Variants in DOCK3 observed in about 807,000 individuals in gnomAD.
DOCK3 encodes dedicator of cytokinesis 3.
DOCK3 carries 60 observed loss-of-function variants against 265.6 expected under a neutral mutation model. The ratio of observed to expected loss-of-function variants is 0.23; its 90% CI spans 0.18 to 0.28. The LOEUF (loss-of-function observed/expected upper bound fraction) is 0.28, where lower values mean the gene tolerates loss of function less well. DOCK3 is among the 10% of genes least tolerant of loss of function. The probability of loss-of-function intolerance (pLI) is 1.00; values close to 1 mark genes in which losing one functional copy is unlikely to be tolerated. For missense variants in DOCK3, 1,981 were observed against 2,594.3 expected (o/e 0.76, Z 5.14); for synonymous variants, 881 against 938.0 (o/e 0.94, Z 1.11).
intron 23 of DOCK3, among the ~76,000 whole-genome samples, chr3:51,263,732 C>G (rs1039574746): frequency 4.6e-5 from 7 of 152,056 alleles, no homozygotes; most frequent in African/African-American, 1.7e-4. Flanking sequence ...GACTATTTAC[C>G]AAGCAAATGG....
At chr3:51,342,337 C>T (rs1271071798) in intron 38 of DOCK3, among the ~76,000 whole-genome samples, 1 of 152,244 alleles carries the variant, frequency 6.6e-6, no homozygotes, top group Non-Finnish European at 1.5e-5. Context: ...AGCGCAGAAA[C>T]TCTTATGTAA....
intron 6 of DOCK3, among the ~76,000 whole-genome samples, chr3:51,068,401 G>A (rs893076315): frequency 5.9e-5 from 9 of 152,036 alleles, no homozygotes; most frequent in Admixed American, 1.3e-4. Context: ...TTAGCCGGGC[G>A]TGGTGGCGGG....
intron 27 of DOCK3, among the ~76,000 whole-genome samples, chr3:51,295,778 T>A (rs183587483): frequency 6.6e-6 from 1 of 151,662 alleles, no homozygotes; most frequent in Admixed American, 6.6e-5. Flanking sequence ...CAATAAGGCG[T>A]TGGGGGGTGG....
chr3:51,153,731 A>G (rs555578560), intron 10 of DOCK3, among the ~76,000 whole-genome samples: 1 of 152,354 alleles, frequency 6.6e-6, no homozygotes, highest in East Asian at 1.9e-4. Context: ...AACTTAGAAA[A>G]GGTTTGGAAA....
At chr3:51,146,769 A>G (rs200973054) in intron 10 of DOCK3, 139 bp downstream of exon 10, 9 of 701,648 alleles carry the variant, frequency 1.3e-5, no homozygotes, top group South Asian at 7.3e-5. Flanking sequence ...TTATGTTTCT[A>G]TTAGGTTTTA....
chr3:51,144,327 T>G (rs1333810795), intron 9 of DOCK3, among the ~76,000 whole-genome samples: 1 of 152,164 alleles, frequency 6.6e-6, no homozygotes, highest in Non-Finnish European at 1.5e-5. Flanking sequence ...ATTAAAACAG[T>G]TCTTGCCAGA....
At chr3:51,164,160 G>A (rs543068184) in intron 12 of DOCK3, among the ~76,000 whole-genome samples, 2 of 152,250 alleles carry the variant, frequency 1.3e-5, no homozygotes, top group South Asian at 4.1e-4. Flanking sequence ...TCAATTTGGT[G>A]ATCATACCCC....
chr3:51,268,930 T>C (rs1419027131), intron 23 of DOCK3, among the ~76,000 whole-genome samples: 1 of 152,086 alleles, frequency 6.6e-6, no homozygotes, highest in Non-Finnish European at 1.5e-5. Flanking sequence ...AGCAAAGCAA[T>C]GCAGATATGC....
chr3:51,159,758 G>A (rs1034670328), intron 11 of DOCK3, among the ~76,000 whole-genome samples: 1 of 152,090 alleles, frequency 6.6e-6, no homozygotes, highest in Non-Finnish European at 1.5e-5. Flanking sequence ...CACTCCAGAA[G>A]ATGGATGACA....
chr3:50,902,767 A>T (rs1274455098), intron 4 of DOCK3, among the ~76,000 whole-genome samples: 1 of 152,212 alleles, frequency 6.6e-6, no homozygotes, highest in Non-Finnish European at 1.5e-5. Flanking sequence ...TACTTTGGGC[A>T]GTATGGCCAT....
intron 5 of DOCK3, among the ~76,000 whole-genome samples, chr3:51,022,157 T>C (rs1204069462): frequency 6.6e-6 from 1 of 152,224 alleles, no homozygotes; most frequent in Non-Finnish European, 1.5e-5. Flanking sequence ...TGTAGTTTTT[T>C]ATTATAGGTA....
chr3:50,921,074 A>T (rs1334073490), intron 4 of DOCK3, among the ~76,000 whole-genome samples: 2 of 152,152 alleles, frequency 1.3e-5, no homozygotes, highest in Non-Finnish European at 2.9e-5. Flanking sequence ...TGAGTTTCTT[A>T]ATCTTGAGTT....
intron 39 of DOCK3, 63 bp downstream of exon 39, chr3:51,349,001 C>T (rs1446164211): frequency 2.2e-6 from 3 of 1,377,310 alleles, no homozygotes; most frequent in African/African-American, 2.9e-5. Context: ...TGAGCGTTCT[C>T]TATGGGCCCA....
chr3:51,204,262 C>T (rs547507345), intron 12 of DOCK3, among the ~76,000 whole-genome samples: 3 of 148,262 alleles, frequency 2.0e-5, no homozygotes, highest in Admixed American at 1.4e-4. Flanking sequence ...TCACAACCTA[C>T]TCATCTGACA....
chr3:50,688,707 AC>A (rs2035011816), intron 1 of DOCK3, among the ~76,000 whole-genome samples: 1 of 152,002 alleles, frequency 6.6e-6, no homozygotes. Context: ...AGGTGATCCC[AC>A]CCACCTTGGC....
At chr3:50,775,421 T>C (rs1371067547) in intron 1 of DOCK3, among the ~76,000 whole-genome samples, 2 of 152,046 alleles carry the variant, frequency 1.3e-5, no homozygotes, top group Non-Finnish European at 2.9e-5. Flanking sequence ...TGTAATATCC[T>C]TTTATGATGA....
chr3:51,330,580 C>T (rs1181538392), intron 33 of DOCK3, among the ~76,000 whole-genome samples: 1 of 152,130 alleles, frequency 6.6e-6, no homozygotes, highest in African/African-American at 2.4e-5. Context: ...GGGGATAAAT[C>T]CTCCTTTGAG....
intron 9 of DOCK3, among the ~76,000 whole-genome samples, chr3:51,120,263 C>T (rs917102270): frequency 6.6e-6 from 1 of 152,156 alleles, no homozygotes; most frequent in Non-Finnish European, 1.5e-5. Context: ...GGGTCTACTC[C>T]AGATCCTGTT....
At chr3:50,821,714 T>G (rs2044443304) in intron 2 of DOCK3, among the ~76,000 whole-genome samples, 1 of 152,244 alleles carries the variant, frequency 6.6e-6, no homozygotes, top group Non-Finnish European at 1.5e-5. Context: ...TGCATATGGC[T>G]AGGCTAACCA....
Sources: gnomAD v4.1 joint callset for allele counts (sites outside exome capture counted in the v4.1 genomes callset) on GRCh38, gnomAD v4.1.1 for gene constraint, MANE v1.5 for transcripts, NCBI Gene and HGNC (gene_info 2026-07-23, HGNC 2026-07-21) for gene names.